ADGRA2: variants seen among roughly 807,000 people sequenced by gnomAD.
ADGRA2 encodes adhesion G protein-coupled receptor A2, also known as G-protein coupled receptor 124.
ADGRA2 carries 61 observed loss-of-function variants against 98.7 expected under a neutral mutation model. The observed-to-expected ratio is 0.62, with a 90% CI of 0.50 to 0.76. ADGRA2 has a LOEUF of 0.76. Among genes scored for constraint, ADGRA2 ranks in the 30% least tolerant of loss-of-function variants. ADGRA2 has a pLI of 0.00. For synonymous variants in ADGRA2, 858 were observed against 831.5 expected (o/e 1.03, Z -0.55); for missense variants, 1,712 against 1,860.0 (o/e 0.92, Z 1.46).
At chr8:37,819,543 AT>A (rs1805071307) in intron 2 of ADGRA2, among the ~76,000 whole-genome samples, 1 of 151,888 alleles carries the variant, frequency 6.6e-6, no homozygotes, top group African/African-American at 2.4e-5. Context: ...TAATTTTTGT[AT>A]TTTTAGTAGA....
chr8:37,803,097 TAATTTG>T (rs1804555188), intron 1 of ADGRA2, among the ~76,000 whole-genome samples: 1 of 152,168 alleles, frequency 6.6e-6, no homozygotes, highest in Non-Finnish European at 1.5e-5. Flanking sequence ...CAAACCAGTG[TAATTTG>T]AACCTAACCA....
At chr8:37,839,743 T>G in intron 16 of ADGRA2, 121 bp downstream of exon 16, 1 of 1,259,342 alleles carries the variant, frequency 7.9e-7, no homozygotes, top group Non-Finnish European at 1.1e-6. Context: ...CTCCATGGCT[T>G]CCTCTGTGGC....
chr8:37,817,101 G>A (rs1167002310), intron 2 of ADGRA2, among the ~76,000 whole-genome samples: 3 of 152,156 alleles, frequency 2.0e-5, no homozygotes, highest in South Asian at 2.1e-4. Context: ...CAGCAGCCTC[G>A]TGAGGGAGCC....
intron 1 of ADGRA2, among the ~76,000 whole-genome samples, chr8:37,810,006 G>A (rs752153165): frequency 1.3e-5 from 2 of 152,172 alleles, no homozygotes; most frequent in Non-Finnish European, 2.9e-5. Context: ...ACCAGTGCCC[G>A]CAGCTGGTCT....
In ADGRA2 at chr8:37,828,829, G is replaced by A. The variant is rs376737186; in HGVS notation, c.339-59G>A. 5.1e-5 allele frequency: 71 copies of A among 1,395,026 alleles called. No homozygotes were observed. The African/African-American group carries it at 6.0e-4, about 12-fold the overall frequency. The allele number at this position is 1,395,026 out of a possible 1,614,324, so 86.4% of individuals were successfully genotyped here. A position where few individuals can be genotyped will look rare whatever the true frequency, so the allele number is the denominator to read the frequency against. The stretch of plus-strand genomic sequence containing the variant: ...CGTGGTGACAGTGAGGACCCCTCCC[G>A]GGGAGCAGGGCGGCTCCAGCGGGGA... On this transcript the variant is annotated intron_variant, in intron 2 of 18. Coordinates refer to ENST00000412232, the MANE Select transcript of ADGRA2 (RefSeq NM_032777.10).
In ADGRA2 at chr8:37,833,961, C is replaced by T. The variant is rs200124348; in HGVS notation, c.1447-6C>T. The T allele has an allele frequency of 8.5e-5, 137 of 1,610,926 alleles. No individual in the cohort carries two copies. The East Asian group carries it at 2.5e-3, about 29-fold the overall frequency. The stretch of plus-strand genomic sequence containing the variant: ...CCTGCCCTCAGCAACTTCCCTGTCC[C>T]CCCAGCTGGTAGAGGTGATGGTGGA... On this transcript the variant is annotated splice_polypyrimidine_tract_variant and splice_region_variant and intron_variant, in intron 10 of 18. Transcript: ENST00000412232.
chr8:37,828,706 T>C (rs1000269443), intron 2 of ADGRA2, among the ~76,000 whole-genome samples, 182 bp from the exon 3 acceptor site: 1 of 151,502 alleles, frequency 6.6e-6, no homozygotes, highest in Non-Finnish European at 1.5e-5. Flanking sequence ...AGGATGGCCT[T>C]GATCAGGGGT....
chr8:37,819,376 T>C (rs1805067390), intron 2 of ADGRA2, among the ~76,000 whole-genome samples: 2 of 151,892 alleles, frequency 1.3e-5, no homozygotes, highest in South Asian at 4.1e-4. Context: ...ATACTTACTA[T>C]TATTATTATT....
chr8:37,831,696 A>C, intron 8 of ADGRA2, 109 bp downstream of exon 8: 1 of 892,802 alleles, frequency 1.1e-6, no homozygotes. Context: ...GTTGGGTCCT[A>C]AAGATGGAGA....
intron 14 of ADGRA2, 27 bp downstream of exon 14, chr8:37,837,966 G>A (rs1029132288): frequency 1.3e-5 from 19 of 1,436,012 alleles, no homozygotes; most frequent in East Asian, 1.0e-4. Context: ...GTGACAAGTC[G>A]GGGGGGCAGG....
chr8:37,824,285 A>T (rs183124926), intron 2 of ADGRA2, among the ~76,000 whole-genome samples: 2,427 of 151,472 alleles, frequency 0.016, 32 homozygotes, highest in South Asian at 0.035. Context: ...CGCCTTGGCC[A>T]CCCAGAGTGC....
intron 1 of ADGRA2, among the ~76,000 whole-genome samples, chr8:37,809,331 A>G (rs192155973): frequency 1.3e-5 from 2 of 150,012 alleles, no homozygotes; most frequent in East Asian, 2.0e-4. Flanking sequence ...CCCCTGCACT[A>G]TCTGTCTAAA....
Position 37,830,723 on chromosome 8 carries a change from G to A in ADGRA2, c.732G>A (p.Glu244=). ...CTCCTCCCACAGAGGGGGCCCTGGA[G>A]CTGCACACACACCACCTCATCCCGT... ...EAQLCCEGAL[E]LHTHHLIPSL... The change falls in exon 7 of 19, where the codon GAG becomes GAA. Residue 244 remains glutamate, a synonymous_variant. Coordinates refer to ENST00000412232, the MANE Select transcript of ADGRA2 (RefSeq NM_032777.10). This position sits in a 1 kb window ranked among gnomAD's most constrained non-coding sequence, Gnocchi z 4.8. The A allele has an allele frequency of 1.2e-6, 2 of 1,603,328 alleles. No homozygotes were observed. Among genetic ancestry groups the A allele is most frequent in the Non-Finnish European group, 1.7e-6 (2 of 1,175,500 alleles).
chr8:37,810,912 C>T (rs150440333), intron 1 of ADGRA2, among the ~76,000 whole-genome samples: 4,030 of 151,860 alleles, frequency 0.027, 68 homozygotes, highest in East Asian at 0.086. Flanking sequence ...GTCAGGAGAT[C>T]AAGACCATCC....
chr8:37,827,005 G>C (rs1437682362), intron 2 of ADGRA2, among the ~76,000 whole-genome samples: 1 of 152,140 alleles, frequency 6.6e-6, no homozygotes, highest in Non-Finnish European at 1.5e-5. Context: ...TTCAGACAGG[G>C]GGCCCCCACC....
At chr8:37,799,914 A>C (rs576156503) in intron 1 of ADGRA2, among the ~76,000 whole-genome samples, 3 of 152,024 alleles carry the variant, frequency 2.0e-5, no homozygotes, top group Admixed American at 1.3e-4. Flanking sequence ...CCTCATCCTC[A>C]TGGCACCCCC....
intron 13 of ADGRA2, among the ~76,000 whole-genome samples, chr8:37,837,360 G>GCCTCCCT (rs931723826): frequency 4.2e-5 from 3 of 71,318 alleles, no homozygotes; most frequent in East Asian, 4.0e-4. Flanking sequence ...CATCCCGCCC[G>GCCTCCCT]CCTCCCTCCT....
intron 14 of ADGRA2, 70 bp from the exon 15 acceptor site, chr8:37,838,886 G>T: frequency 6.6e-7 from 1 of 1,505,918 alleles, no homozygotes; most frequent in Admixed American, 2.3e-5. Flanking sequence ...GGCCTGGGAA[G>T]AGGAAAGCTG....
chr8:37,806,386 C>G (rs1318905450), intron 1 of ADGRA2, among the ~76,000 whole-genome samples: 1 of 152,072 alleles, frequency 6.6e-6, no homozygotes, highest in Non-Finnish European at 1.5e-5. Flanking sequence ...ATGCTGTGAC[C>G]CCCAAATCCC....
Sources: allele counts gnomAD v4.1 joint callset (sites outside exome capture counted in the v4.1 genomes callset), GRCh38; gene constraint gnomAD v4.1.1; non-coding constraint Gnocchi (gnomAD v3.1); transcripts MANE v1.5; gene names NCBI Gene and HGNC (gene_info 2026-07-23, HGNC 2026-07-21).